The following MPPED2 variants were observed in gnomAD, a reference collection of about 807,000 sequenced individuals.
MPPED2 encodes metallophosphoesterase MPPED2.
MPPED2 carries 5 observed loss-of-function variants against 33.0 expected under a neutral mutation model. The observed-to-expected ratio is 0.15, with a 90% CI of 0.08 to 0.32. The LOEUF (loss-of-function observed/expected upper bound fraction) is 0.32, where lower values mean the gene tolerates loss of function less well. MPPED2 is among the 10% of genes least tolerant of loss of function. The probability of loss-of-function intolerance (pLI) is 1.00; values close to 1 mark genes in which losing one functional copy is unlikely to be tolerated. For synonymous variants in MPPED2, 136 were observed against 141.9 expected, an observed-to-expected ratio of 0.96 and a Z score of 0.29; for missense variants, 275 against 372.1, an observed-to-expected ratio of 0.74 and a Z score of 2.15.
At chr11:30,539,331 G>T (rs2134512508) in intron 2 of MPPED2, among the ~76,000 whole-genome samples, 1 of 152,148 alleles carries the variant, frequency 6.6e-6, no homozygotes, top group African/African-American at 2.4e-5. Flanking sequence ...TTCCCCTAAG[G>T]CATCGTGTCA....
At chr11:30,511,777 C>A (rs1444489779) in intron 3 of MPPED2, among the ~76,000 whole-genome samples, 1 of 152,008 alleles carries the variant, frequency 6.6e-6, no homozygotes, top group Non-Finnish European at 1.5e-5. Context: ...AAAAATCTAC[C>A]CTTGTGATGA....
intron 4 of MPPED2, among the ~76,000 whole-genome samples, chr11:30,493,324 T>A (rs1952075492): frequency 6.9e-6 from 1 of 144,408 alleles, no homozygotes; most frequent in Admixed American, 7.1e-5. Context: ...TGAGCGGAGA[T>A]CGCGCCACAG....
intron 6 of MPPED2, 67 bp downstream of exon 6, chr11:30,414,161 C>T: frequency 9.1e-7 from 1 of 1,104,912 alleles, no homozygotes; most frequent in Non-Finnish European, 1.4e-6. Context: ...TCCACTTATT[C>T]CTAGTTGTAG....
At chr11:30,399,879 T>C (rs997710178) in intron 6 of MPPED2, among the ~76,000 whole-genome samples, 1 of 152,148 alleles carries the variant, frequency 6.6e-6, no homozygotes, top group Non-Finnish European at 1.5e-5. Flanking sequence ...ATATACTTTT[T>C]AAAAAAATAC....
At chr11:30,505,652 T>C (rs551949482) in intron 3 of MPPED2, among the ~76,000 whole-genome samples, 2 of 152,340 alleles carry the variant, frequency 1.3e-5, no homozygotes, top group African/African-American at 4.8e-5. Flanking sequence ...TTCAATCTAC[T>C]TCCTCAAGCA....
In MPPED2 at chr11:30,549,840, C is replaced by T. The variant is rs190152620; in HGVS notation, c.129-13665G>A. Reference sequence around the variant, plus strand: ...GAAGTGAGTGTACTTAGCTAAAGGGCATTGCAATAATTTTTCTCTTCCACG... The same window carrying T: ...GAAGTGAGTGTACTTAGCTAAAGGGTATTGCAATAATTTTTCTCTTCCACG... On this transcript the variant is annotated intron_variant, in intron 2 of 6. Coordinates refer to ENST00000358117, the MANE Select transcript of MPPED2 (RefSeq NM_001584.3). Among the ~76,000 whole-genome samples, 198 of 152,210 alleles carry T rather than the reference C, an allele frequency of 1.3e-3. 1 individual carries two copies. The highest frequency in any genetic ancestry group is 4.6e-3 in the African/African-American group (192 of 41,510).
chr11:30,478,886 T>C (rs565476672), intron 4 of MPPED2, among the ~76,000 whole-genome samples: 2 of 152,254 alleles, frequency 1.3e-5, no homozygotes, highest in Admixed American at 6.5e-5. Context: ...GGTTTTTTGT[T>C]GCTGTTCACA....
chr11:30,394,884 A>G (rs1038801599), intron 6 of MPPED2, among the ~76,000 whole-genome samples: 8 of 152,152 alleles, frequency 5.3e-5, no homozygotes, highest in African/African-American at 1.9e-4. Context: ...CATTTAGATA[A>G]TCCCTTTTGA....
intron 4 of MPPED2, among the ~76,000 whole-genome samples, chr11:30,427,209 T>C (rs966398601): frequency 4.6e-5 from 7 of 152,208 alleles, no homozygotes; most frequent in African/African-American, 9.6e-5. Flanking sequence ...TTTTGTCTTG[T>C]TACATAGCGA....
At chr11:30,454,157 C>T (rs937548377) in intron 4 of MPPED2, among the ~76,000 whole-genome samples, 3 of 152,162 alleles carry the variant, frequency 2.0e-5, no homozygotes, top group Admixed American at 6.5e-5. Context: ...GAATCTGCAC[C>T]TTAATCCTGA....
chr11:30,568,502 C>T (rs559066768), intron 2 of MPPED2, among the ~76,000 whole-genome samples: 1 of 152,264 alleles, frequency 6.6e-6, no homozygotes, highest in East Asian at 1.9e-4. Flanking sequence ...TGGCACGACC[C>T]TTCCTGCAGA....
At chr11:30,429,866 A>G (rs1470478104) in intron 4 of MPPED2, among the ~76,000 whole-genome samples, 1 of 152,192 alleles carries the variant, frequency 6.6e-6, no homozygotes, top group Non-Finnish European at 1.5e-5. Context: ...GGAATTTGTC[A>G]TGCTCTGCAT....
In MPPED2 at chr11:30,403,300, C is replaced by T. The variant is rs113533974; in HGVS notation, c.766+10928G>A. On this transcript the variant is annotated intron_variant, in intron 6 of 6. Transcript: ENST00000448418. Reference sequence around the variant, plus strand: ...GTAGGAAGTTGTTATCCTTTGTACACCTTATTTCAATTTCGCTGGTACTCA... The same window carrying T: ...GTAGGAAGTTGTTATCCTTTGTACATCTTATTTCAATTTCGCTGGTACTCA... 4.2e-3 allele frequency among the ~76,000 whole-genome samples: 633 copies of T among 151,910 alleles called. 6 individuals carry two copies. The highest frequency in any genetic ancestry group is 0.015 in the African/African-American group (606 of 41,452).
At chr11:30,414,084 C>G (rs1226599694) in intron 6 of MPPED2, 144 bp downstream of exon 6, 1 of 619,274 alleles carries the variant, frequency 1.6e-6, no homozygotes, top group Non-Finnish European at 2.9e-6. Context: ...GCTTTATATT[C>G]AGATGTTTCT....
At chr11:30,421,519 TA>T (rs1948614290) in intron 4 of MPPED2, among the ~76,000 whole-genome samples, 1 of 152,078 alleles carries the variant, frequency 6.6e-6, no homozygotes, top group African/African-American at 2.4e-5. Context: ...TGCTTTTACC[TA>T]GAGCTTTTAC....
intron 4 of MPPED2, among the ~76,000 whole-genome samples, chr11:30,457,396 A>G (rs1019265111): frequency 2.0e-5 from 3 of 152,028 alleles, no homozygotes; most frequent in African/African-American, 4.8e-5. Flanking sequence ...AAAAAAAAAA[A>G]AACAGTTCCT....
chr11:30,405,558 C>A (rs1947976126), downstream of MPPED2, among the ~76,000 whole-genome samples: 1 of 152,052 alleles, frequency 6.6e-6, no homozygotes, highest in Non-Finnish European at 1.5e-5. Context: ...GTAAGGCAAC[C>A]CTAATTCAGG....
downstream of MPPED2, among the ~76,000 whole-genome samples, chr11:30,409,156 A>G (rs1002787474): frequency 6.6e-6 from 1 of 152,070 alleles, no homozygotes; most frequent in African/African-American, 2.4e-5. Context: ...GTGATTACCC[A>G]CCTATCTCTG....
chr11:30,397,460 T>C (rs1947852798), intron 6 of MPPED2, among the ~76,000 whole-genome samples: 1 of 152,162 alleles, frequency 6.6e-6, no homozygotes, highest in South Asian at 2.1e-4. Flanking sequence ...GACTCAATTA[T>C]CTAATTTTGG....
Sources: allele counts gnomAD v4.1 joint callset (sites outside exome capture counted in the v4.1 genomes callset), GRCh38; gene constraint gnomAD v4.1.1; transcripts MANE v1.5; gene names NCBI Gene and HGNC (gene_info 2026-07-23, HGNC 2026-07-21).